The following NIN variants were observed in gnomAD, a reference collection of about 807,000 sequenced individuals.
NIN encodes ninein.
A neutral mutation model predicts 257.6 loss-of-function variants in NIN; 137 were observed. That is an observed-to-expected ratio of 0.53 (90% CI 0.46 to 0.61). The LOEUF (loss-of-function observed/expected upper bound fraction) is 0.61, where lower values mean the gene tolerates loss of function less well. Among genes scored for constraint, NIN ranks in the 20% least tolerant of loss-of-function variants. NIN has a pLI of 0.00. For synonymous variants in NIN, 918 were observed against 919.8 expected (o/e 1.00, Z 0.04); for missense variants, 2,439 against 2,501.2 (o/e 0.98, Z 0.53).
chr14:50,797,697 G>A lies in NIN; in HGVS notation c.266-4816C>T, dbSNP rs562466486. On this transcript the variant is annotated intron_variant, in intron 4 of 30. Transcript: ENST00000530997. The stretch of plus-strand genomic sequence containing the variant: ...CCTGATTCTAAATAAGAGAAGGGAA[G>A]AAAATCCAAAGGAACACTAAGACCA... Among the ~76,000 whole-genome samples the A allele has an allele frequency of 3.3e-5, 5 of 152,238 alleles. No individual in the cohort carries two copies. In the South Asian group the frequency reaches 1.0e-3, roughly 32 times the overall value.
rs188922783 is a variant in NIN, at chr14:50,805,465, G to T, written c.265+1272C>A. Among the ~76,000 whole-genome samples, 14 of 152,238 alleles carry T rather than the reference G, an allele frequency of 9.2e-5. No homozygotes were observed. In the East Asian group the frequency reaches 2.3e-3, roughly 25 times the overall value. On this transcript the variant is annotated intron_variant, in intron 4 of 30. Coordinates refer to ENST00000530997, the MANE Select transcript of NIN (RefSeq NM_020921.4). ...AGAGTTAAGAACAACATTGCTAGGG[G>T]TGTCACCATCCCCGAAAAAGGCGGA...
chr14:50,800,959 T>A (rs2044074615), intron 4 of NIN, among the ~76,000 whole-genome samples: 1 of 148,438 alleles, frequency 6.7e-6, no homozygotes. Context: ...ATTTTTGTAT[T>A]CTTTAGTAGA....
At chr14:50,747,378 G>C (rs1025113143) in intron 22 of NIN, among the ~76,000 whole-genome samples, 1 of 152,174 alleles carries the variant, frequency 6.6e-6, no homozygotes, top group African/African-American at 2.4e-5. Context: ...TTTATAACCT[G>C]GCTGGGTGAC....
chr14:50,791,593 GGTCATGT>G (rs1015360739), intron 5 of NIN, among the ~76,000 whole-genome samples: 9 of 152,038 alleles, frequency 5.9e-5, no homozygotes, highest in Non-Finnish European at 1.0e-4. Flanking sequence ...TCAGCAGACT[GGTCATGT>G]GTCCTTATAA....
chr14:50,750,024 ATTATAT>A (rs1424964761), intron 21 of NIN, among the ~76,000 whole-genome samples: 1 of 152,092 alleles, frequency 6.6e-6, no homozygotes, highest in South Asian at 2.1e-4. Context: ...TTATTTCATA[ATTATAT>A]TTATTTTATT....
chr14:50,723,788 A>G (rs1480438612), intron 30 of NIN, 116 bp from the exon 31 acceptor site: 1 of 778,964 alleles, frequency 1.3e-6, no homozygotes, highest in Non-Finnish European at 2.1e-6. Flanking sequence ...TCGTCTAATT[A>G]TATTCTTTTA....
In NIN at chr14:50,757,002, C is replaced by T; in HGVS notation, c.4028G>A (p.Cys1343Tyr). The change falls in exon 18 of 31, where the codon TGT becomes TAT. Residue 1343 changes from cysteine to tyrosine, a missense_variant. Physicochemically the swap from Cys to Tyr is radical, Grantham distance 194. Coordinates refer to ENST00000530997, the MANE Select transcript of NIN (RefSeq NM_020921.4). ...ACTGGCTTCCCATAAGCAGCAGTCA[C>T]ACCGCTGGACCACGCTTTCCTGAAG... ...EKLQESVVQRCDCCLWEASLE... is the reference protein window; with the variant it reads ...EKLQESVVQRYDCCLWEASLE... The T allele has an allele frequency of 3.1e-6, 5 of 1,612,856 alleles. No individual in the cohort carries two copies. The highest frequency in any genetic ancestry group is 4.2e-6 in the Non-Finnish European group (5 of 1,179,568).
intron 21 of NIN, among the ~76,000 whole-genome samples, chr14:50,751,357 A>G (rs539561220): frequency 6.6e-6 from 1 of 152,242 alleles, no homozygotes; most frequent in African/African-American, 2.4e-5. Flanking sequence ...AAATTCACCT[A>G]CAAAAAGGCG....
At position 50,737,973 on chromosome 14, in the gene NIN, A is replaced by G. The variant is rs142929828; in HGVS notation, c.5775+167T>C. Among the ~76,000 whole-genome samples the G allele has an allele frequency of 8.9e-3, 1,356 of 152,270 alleles. 20 individuals are homozygous for G. The highest frequency in any genetic ancestry group is 0.031 in the African/African-American group (1,285 of 41,560). ...CTGTTATTTTTTCAACCATTATTCA[A>G]TCAAAAAGAACCACGATGCTATTTT... On this transcript the variant is annotated intron_variant, in intron 27 of 30. Transcript: ENST00000530997.
In NIN at chr14:50,757,118, GA is replaced by G. The variant is rs1189216607; in HGVS notation, c.3911del (p.Phe1304SerfsTer13). The G allele has an allele frequency of 6.2e-7, 1 of 1,612,638 alleles. No individual in the cohort carries two copies. The highest frequency in any genetic ancestry group is 8.5e-7 in the Non-Finnish European group (1 of 1,179,610). ...CATCGTAACTCTTTTCCAGGCTGAG[GA>G]ATGTTTCAGTGACTTCCTCCATTTT... ...LKKMEEVTET[F>X]LSLEKSYDEV... On this transcript the variant is annotated frameshift_variant, in exon 18 of 31. Coordinates refer to ENST00000530997, the MANE Select transcript of NIN (RefSeq NM_020921.4). LOFTEE classifies it high-confidence loss of function.
chr14:50,746,349 A>G (rs1004434223), intron 22 of NIN, among the ~76,000 whole-genome samples: 1 of 152,240 alleles, frequency 6.6e-6, no homozygotes, highest in Admixed American at 6.5e-5. Context: ...TGGACAGGCG[A>G]CTTCTCTAGT....
At chr14:50,759,005 G>A (rs1219489478) in intron 17 of NIN, among the ~76,000 whole-genome samples, 1 of 152,144 alleles carries the variant, frequency 6.6e-6, no homozygotes, top group African/African-American at 2.4e-5. Context: ...TTTTAATTAA[G>A]CATGCGTTAT....
rs10618868 is a variant in NIN at position 50,818,896 on chromosome 14, CAA to C, written c.183+2976_183+2977del. Among the ~76,000 whole-genome samples the C allele has an allele frequency of 2.7e-3, 389 of 145,950 alleles. 3 individuals are homozygous for C. Among genetic ancestry groups the C allele is most frequent in the East Asian group, 9.9e-3 (50 of 5,046 alleles). ...TTAACAACTATTAAACATTAGGCCT[CAA>C]AAAAAAAAAAAACAAGTTATTGAAG... On this transcript the variant is annotated intron_variant, in intron 3 of 30. Transcript: ENST00000530997.
chr14:50,727,721 C>T (rs766242698), intron 29 of NIN: 31 of 1,433,510 alleles, frequency 2.2e-5, no homozygotes, highest in Non-Finnish European at 2.5e-5. Flanking sequence ...TAGGAATCTG[C>T]GTGCACTGCT....
At chr14:50,791,840 G>C (rs972839773) in intron 5 of NIN, among the ~76,000 whole-genome samples, 3 of 66,734 alleles carry the variant, frequency 4.5e-5, no homozygotes, top group Admixed American at 1.7e-4. Flanking sequence ...CACACACACA[G>C]AGTCCACTGG....
intron 14 of NIN, among the ~76,000 whole-genome samples, chr14:50,765,089 A>T (rs1434696595): frequency 6.9e-6 from 1 of 145,772 alleles, no homozygotes; most frequent in Non-Finnish European, 1.5e-5. Flanking sequence ...AAAAAAAAAA[A>T]AAATTAGGCG....
In NIN at chr14:50,756,979, T is replaced by C. The variant is rs1158347207; in HGVS notation, c.4051A>G (p.Ser1351Gly). ...GGTTCGATTTCCAGGTTCTCTAAAC[T>C]GGCTTCCCATAAGCAGCAGTCACAC... Reference protein sequence around the residue: ...QRCDCCLWEASLENLEIEPDG... With the variant: ...QRCDCCLWEAGLENLEIEPDG... The change falls in exon 18 of 31, where the codon AGT becomes GGT. Residue 1351 changes from serine to glycine, a missense_variant. This residue lies in a region of NIN where 2,043 missense variants were observed against 2,050.2 expected (regional missense o/e 1.00). Transcript: ENST00000530997. The C allele has an allele frequency of 1.2e-6, 2 of 1,612,914 alleles. No individual in the cohort carries two copies. Among genetic ancestry groups the C allele is most frequent in the Non-Finnish European group, 1.7e-6 (2 of 1,179,372 alleles).
rs751019308 is a variant in NIN, at chr14:50,756,941, T to C, written c.4089A>G (p.Ile1363Met). The C allele has an allele frequency of 6.3e-7, 1 of 1,586,880 alleles. No individual in the cohort carries two copies. Among genetic ancestry groups the C allele is most frequent in the East Asian group, 2.3e-5 (1 of 43,808 alleles). The change falls in exon 18 of 31, where the codon ATA becomes ATG. Residue 1363 changes from isoleucine (I) to methionine (M), a missense_variant. Ile to Met is a conservative substitution (Grantham distance 10). Coordinates refer to ENST00000530997, the MANE Select transcript of NIN (RefSeq NM_020921.4). ...CTTCCAGTGTCTGATTGAGCTGGAGTATATTTCCATCAGGTTCGATTTCCA... is the reference window on the plus strand; with the variant it reads ...CTTCCAGTGTCTGATTGAGCTGGAGCATATTTCCATCAGGTTCGATTTCCA... ...ENLEIEPDGNILQLNQTLEEC... is the reference protein window; with the variant it reads ...ENLEIEPDGNMLQLNQTLEEC...
intron 29 of NIN, among the ~76,000 whole-genome samples, 154 bp downstream of exon 29, chr14:50,729,369 A>C (rs2040576721): frequency 1.3e-5 from 2 of 152,108 alleles, no homozygotes; most frequent in South Asian, 4.1e-4. Flanking sequence ...CTCTGGCCTC[A>C]AGCGATCCTC....
Sources: allele counts gnomAD v4.1 joint callset (sites outside exome capture counted in the v4.1 genomes callset), GRCh38; gene constraint gnomAD v4.1.1; regional missense constraint gnomAD v4.1.1; transcripts MANE v1.5; gene names NCBI Gene and HGNC (gene_info 2026-07-23, HGNC 2026-07-21).